The following STK3 variants were observed in gnomAD, a reference collection of about 807,000 sequenced individuals.
STK3 encodes serine/threonine-protein kinase 3.
A neutral mutation model predicts 58.0 loss-of-function variants in STK3; 41 were observed. The ratio of observed to expected loss-of-function variants is 0.71; its 90% CI spans 0.55 to 0.92. The LOEUF (loss-of-function observed/expected upper bound fraction) is 0.92. STK3 is among the 40% of genes least tolerant of loss of function. STK3 has a pLI of 0.00. For missense variants in STK3, 479 were observed against 602.7 expected, an observed-to-expected ratio of 0.79 and a Z score of 2.15; for synonymous variants, 170 against 191.0, an observed-to-expected ratio of 0.89 and a Z score of 0.91.
At chr8:98,669,284 T>C (rs552818518) in intron 6 of STK3, among the ~76,000 whole-genome samples, 86 of 152,120 alleles carry the variant, frequency 5.7e-4, no homozygotes, top group Non-Finnish European at 1.1e-3. Context: ...CGTGAGCCAC[T>C]GCGCCCGGCC....
At chr8:98,920,495 T>C (rs761196914) in intron 1 of STK3, among the ~76,000 whole-genome samples, 2 of 152,242 alleles carry the variant, frequency 1.3e-5, no homozygotes, top group Non-Finnish European at 2.9e-5. Context: ...TTAGGCCCCT[T>C]TTAACAGCTG....
At chr8:98,510,153 C>A (rs1009333549) in intron 10 of STK3, among the ~76,000 whole-genome samples, 114 of 152,198 alleles carry the variant, frequency 7.5e-4, no homozygotes, top group African/African-American at 2.6e-3. Context: ...ATACATTATT[C>A]TAATACGTAA....
At chr8:98,843,246 T>G (rs1030839147) in intron 3 of STK3, among the ~76,000 whole-genome samples, 1 of 152,132 alleles carries the variant, frequency 6.6e-6, no homozygotes, top group Admixed American at 6.5e-5. Flanking sequence ...TAACTCTGCA[T>G]CAGTTAGGCT....
chr8:98,940,491 C>T (rs1840369459), intron 1 of STK3, among the ~76,000 whole-genome samples: 2 of 152,230 alleles, frequency 1.3e-5, no homozygotes, highest in Admixed American at 1.3e-4. Context: ...GACTCAGTGC[C>T]TCGCAGGCTG....
Position 98,887,594 on chromosome 8 carries a change from T to A in STK3, c.-78-3760A>T, listed in dbSNP as rs1162940558. On this transcript the variant is annotated intron_variant, in intron 1 of 1. Coordinates refer to the STK3 transcript ENST00000519420. ...ACTTCTGAAATCCCACTAAATGGAG[T>A]AAAGAAAAGATTATAAACATAAAAG... Among the ~76,000 whole-genome samples, 9 of 151,806 alleles carry A rather than the reference T, an allele frequency of 5.9e-5. No homozygotes were observed. The East Asian group carries it at 1.5e-3, about 26-fold the overall frequency.
chr8:98,433,680 T>C (rs1169838256), intron 3 of STK3, among the ~76,000 whole-genome samples: 1 of 152,256 alleles, frequency 6.6e-6, no homozygotes, highest in East Asian at 1.9e-4. Flanking sequence ...GTCCTCATTC[T>C]AGCCATGAGC....
chr8:98,563,588 G>C (rs1040356763), intron 8 of STK3, among the ~76,000 whole-genome samples: 2 of 152,032 alleles, frequency 1.3e-5, no homozygotes, highest in African/African-American at 4.8e-5. Context: ...CCAGTAAAAG[G>C]AAGTAGGCTC....
At chr8:98,860,123 T>A (rs1836872134) in intron 3 of STK3, among the ~76,000 whole-genome samples, 1 of 152,224 alleles carries the variant, frequency 6.6e-6, no homozygotes, top group Admixed American at 6.5e-5. Flanking sequence ...GCGAGCCACT[T>A]TTCTAGGTGC....
chr8:98,919,747 G>A (rs1350067464), intron 1 of STK3, among the ~76,000 whole-genome samples: 2 of 152,172 alleles, frequency 1.3e-5, no homozygotes, highest in Non-Finnish European at 1.5e-5. Context: ...TATACTATTG[G>A]ATTTACTTTG....
At chr8:98,398,156 G>GA (rs1318614200), downstream of STK3, among the ~76,000 whole-genome samples, 1 of 152,176 alleles carries the variant, frequency 6.6e-6, no homozygotes, top group Non-Finnish European at 1.5e-5. Context: ...ACGTGTCTGG[G>GA]AAACTGAGCA....
chr8:98,500,652 T>C (rs1823508218), intron 10 of STK3, among the ~76,000 whole-genome samples: 1 of 152,086 alleles, frequency 6.6e-6, no homozygotes, highest in South Asian at 2.1e-4. Context: ...AGTGAGAACA[T>C]GTGGTGTTTG....
At chr8:98,349,342 G>C in the STK3 span, among the ~76,000 whole-genome samples, 1,049 of 152,344 alleles carry the variant, frequency 6.9e-3, 12 homozygotes, top group African/African-American at 0.024. Flanking sequence ...CGATGCAAGA[G>C]GTGGGCTCCC....
intron 10 of STK3, among the ~76,000 whole-genome samples, chr8:98,484,051 A>C (rs1417871918): frequency 2.1e-5 from 2 of 94,924 alleles, no homozygotes; most frequent in Non-Finnish European, 4.7e-5. Context: ...GAATGAGAAG[A>C]TTTAGTTTCC....
At chr8:98,794,790 C>T (rs1370214314) in intron 1 of STK3, among the ~76,000 whole-genome samples, 3 of 151,976 alleles carry the variant, frequency 2.0e-5, no homozygotes, top group East Asian at 1.9e-4. Context: ...AACCAAGGCT[C>T]GGCACAGTGG....
chr8:98,583,151 A>AT (rs1426164258), intron 7 of STK3, among the ~76,000 whole-genome samples: 1 of 152,028 alleles, frequency 6.6e-6, no homozygotes, highest in Non-Finnish European at 1.5e-5. Context: ...CAATTGAAAC[A>AT]TTTTTATTAG....
chr8:98,765,823 T>G (rs759852938), intron 3 of STK3, among the ~76,000 whole-genome samples: 3 of 152,222 alleles, frequency 2.0e-5, no homozygotes, highest in Non-Finnish European at 2.9e-5. Flanking sequence ...TGTGGTTAAG[T>G]AACTTTAGGC....
downstream of STK3, among the ~76,000 whole-genome samples, chr8:98,367,935 G>T (rs555777614): frequency 2.6e-5 from 4 of 152,224 alleles, no homozygotes; most frequent in African/African-American, 9.6e-5. Context: ...GAACTTGCAC[G>T]CTGATTGTAT....
chr8:98,352,797 C>T, the STK3 span, among the ~76,000 whole-genome samples: 1 of 152,070 alleles, frequency 6.6e-6, no homozygotes, highest in Non-Finnish European at 1.5e-5. Context: ...GTACAGTAAC[C>T]TTTTAACCAA....
At chr8:98,483,274 CATAA>C (rs1414633298) in intron 10 of STK3, among the ~76,000 whole-genome samples, 2 of 152,146 alleles carry the variant, frequency 1.3e-5, no homozygotes, top group Non-Finnish European at 2.9e-5. Flanking sequence ...ATATAACACA[CATAA>C]ATAAAGGCAG....
Sources: gnomAD v4.1 joint callset for allele counts (sites outside exome capture counted in the v4.1 genomes callset) on GRCh38, gnomAD v4.1.1 for gene constraint, MANE v1.5 for transcripts, NCBI Gene and HGNC (gene_info 2026-07-23, HGNC 2026-07-21) for gene names.